The following NCKAP5 variants were observed in gnomAD, a reference collection of about 807,000 sequenced individuals.
NCKAP5 encodes the protein NCK associated protein 5.
NCKAP5 carries 92 observed loss-of-function variants against 167.0 expected under a neutral mutation model. That is an observed-to-expected ratio of 0.55 (90% CI 0.47 to 0.66). NCKAP5 has a LOEUF of 0.66. Among genes scored for constraint, NCKAP5 ranks in the 30% least tolerant of loss-of-function variants. NCKAP5 has a pLI of 0.00. For missense variants in NCKAP5, 2,378 were observed against 2,315.0 expected (o/e 1.03, Z -0.56); for synonymous variants, 891 against 877.4 (o/e 1.02, Z -0.27).
intron 6 of NCKAP5, among the ~76,000 whole-genome samples, chr2:133,104,695 G>C (rs547077907): frequency 2.0e-5 from 3 of 152,130 alleles, no homozygotes; most frequent in Non-Finnish European, 2.9e-5. Flanking sequence ...CAATAACAAA[G>C]GTATCCTTAT....
intron 9 of NCKAP5, among the ~76,000 whole-genome samples, chr2:132,877,779 G>A (rs1163904167): frequency 6.6e-6 from 1 of 152,124 alleles, no homozygotes; most frequent in Non-Finnish European, 1.5e-5. Context: ...AGAGGGGAAT[G>A]GAGAGGGTAA....
chr2:132,909,723 G>A (rs1694295368), intron 8 of NCKAP5, among the ~76,000 whole-genome samples: 1 of 152,168 alleles, frequency 6.6e-6, no homozygotes, highest in Non-Finnish European at 1.5e-5. Flanking sequence ...TTGCTTTACA[G>A]AAACTACAGA....
At chr2:133,109,856 G>T (rs2081850662) in intron 6 of NCKAP5, among the ~76,000 whole-genome samples, 2 of 151,740 alleles carry the variant, frequency 1.3e-5, no homozygotes, top group African/African-American at 4.8e-5. Flanking sequence ...AAAAATAATG[G>T]CAACATAAAT....
chr2:133,153,995 C>T (rs950086972), intron 5 of NCKAP5, among the ~76,000 whole-genome samples: 5 of 151,906 alleles, frequency 3.3e-5, no homozygotes, highest in African/African-American at 1.2e-4. Flanking sequence ...CGCCCGACCA[C>T]CACACCTGGC....
intron 6 of NCKAP5, among the ~76,000 whole-genome samples, chr2:133,105,406 T>A (rs2149695091): frequency 6.6e-6 from 1 of 152,362 alleles, no homozygotes; most frequent in Middle Eastern, 3.4e-3. Flanking sequence ...TGGGAAATTC[T>A]AATTGTTCTC....
intron 15 of NCKAP5, among the ~76,000 whole-genome samples, 166 bp from the exon 16 acceptor site, chr2:132,774,060 T>A (rs571781719): frequency 1.1e-4 from 17 of 152,334 alleles, no homozygotes; most frequent in Admixed American, 5.2e-4. Context: ...AAAATACATT[T>A]TTTTCGTTCT....
intron 11 of NCKAP5, among the ~76,000 whole-genome samples, chr2:132,851,146 G>T (rs1190829587): frequency 2.6e-5 from 4 of 152,130 alleles, no homozygotes; most frequent in African/African-American, 4.8e-5. Flanking sequence ...GAAAGCTATT[G>T]CATGAAGATG....
chr2:133,394,525 G>C (rs1687620974), intron 3 of NCKAP5, among the ~76,000 whole-genome samples: 1 of 152,184 alleles, frequency 6.6e-6, no homozygotes, highest in Non-Finnish European at 1.5e-5. Flanking sequence ...AGGTTTTCTG[G>C]ATTAAAGTCT....
At chr2:132,890,827 G>A (rs1014326357) in intron 8 of NCKAP5, among the ~76,000 whole-genome samples, 1 of 152,176 alleles carries the variant, frequency 6.6e-6, no homozygotes, top group African/African-American at 2.4e-5. Context: ...CCCAGACAAT[G>A]TCTAGGGCTG....
At chr2:133,363,318 C>T (rs1466240036) in intron 3 of NCKAP5, among the ~76,000 whole-genome samples, 1 of 152,036 alleles carries the variant, frequency 6.6e-6, no homozygotes, top group Non-Finnish European at 1.5e-5. Flanking sequence ...TACAGCCACA[C>T]ACAATTTTTT....
In NCKAP5 at chr2:133,172,412, A is replaced by G. The variant is rs1205241351; in HGVS notation, c.207+41304T>C. Among the ~76,000 whole-genome samples the G allele has an allele frequency of 2.0e-5, 3 of 152,236 alleles. No individual in the cohort carries two copies. In the East Asian group the frequency reaches 5.8e-4, roughly 29 times the overall value. Reference sequence around the variant, plus strand: ...TGAATGACCCCAATGTTTCTGCATCACAAATCTTGCCACTTGCTGGAGGCT... The same window carrying G: ...TGAATGACCCCAATGTTTCTGCATCGCAAATCTTGCCACTTGCTGGAGGCT... On this transcript the variant is annotated intron_variant, in intron 5 of 19. Coordinates refer to ENST00000409261, the MANE Select transcript of NCKAP5 (RefSeq NM_207363.3).
At chr2:133,404,324 CCTTAT>C (rs1688288635) in intron 3 of NCKAP5, among the ~76,000 whole-genome samples, 1 of 152,132 alleles carries the variant, frequency 6.6e-6, no homozygotes, top group Non-Finnish European at 1.5e-5. Flanking sequence ...TAGTAGTCCC[CCTTAT>C]CTGCAGGGGA....
chr2:132,764,928 G>A (rs1681322280), intron 16 of NCKAP5, among the ~76,000 whole-genome samples: 1 of 152,090 alleles, frequency 6.6e-6, no homozygotes, highest in South Asian at 2.1e-4. Context: ...AATCTTCTTG[G>A]TGAGGAAATT....
intron 5 of NCKAP5, among the ~76,000 whole-genome samples, chr2:133,170,943 T>C (rs892502987): frequency 1.3e-5 from 2 of 152,108 alleles, no homozygotes; most frequent in Admixed American, 1.3e-4. Context: ...GGTGACAAGC[T>C]TGCTAAGTCT....
chr2:132,871,651 A>G (rs1690826418), intron 9 of NCKAP5, among the ~76,000 whole-genome samples: 1 of 152,182 alleles, frequency 6.6e-6, no homozygotes, highest in African/African-American at 2.4e-5. Context: ...ATAGGCTTAG[A>G]GACTCTATAT....
At chr2:133,465,258 G>A (rs1199715989) in intron 3 of NCKAP5, among the ~76,000 whole-genome samples, 2 of 149,626 alleles carry the variant, frequency 1.3e-5, no homozygotes, top group Non-Finnish European at 3.0e-5. Context: ...AATATGCGGT[G>A]TTTGGTTTTC....
At chr2:133,591,728 A>G in the NCKAP5 span, among the ~76,000 whole-genome samples, 80 of 152,258 alleles carry the variant, frequency 5.3e-4, no homozygotes, top group Non-Finnish European at 8.5e-4. Flanking sequence ...ATTTTTCTAC[A>G]TAACAACTCT....
At chr2:133,573,798 C>T in the NCKAP5 span, among the ~76,000 whole-genome samples, 23 of 152,168 alleles carry the variant, frequency 1.5e-4, no homozygotes, top group Non-Finnish European at 2.5e-4. Flanking sequence ...TGTCGGGAGC[C>T]GTAATCTTCT....
chr2:132,916,344 A>T (rs1460366062), intron 8 of NCKAP5, among the ~76,000 whole-genome samples: 1 of 152,020 alleles, frequency 6.6e-6, no homozygotes, highest in Non-Finnish European at 1.5e-5. Context: ...CTTACTTTGC[A>T]TGGGGCTGGT....
Sources: gnomAD v4.1 joint callset for allele counts (sites outside exome capture counted in the v4.1 genomes callset) on GRCh38, gnomAD v4.1.1 for gene constraint, MANE v1.5 for transcripts, NCBI Gene and HGNC (gene_info 2026-07-23, HGNC 2026-07-21) for gene names.